ANKRD36C: variants seen among roughly 807,000 people sequenced by gnomAD.
The protein encoded by ANKRD36C is ankyrin repeat domain 36C.
Under a neutral mutation model 276.4 loss-of-function variants are expected in ANKRD36C, and 61 were observed. The observed-to-expected ratio is 0.22, with a 90% CI of 0.18 to 0.27. The LOEUF is 0.27. Among genes scored for constraint, ANKRD36C ranks in the 10% least tolerant of loss-of-function variants. ANKRD36C has a pLI of 1.00. For missense variants in ANKRD36C, 1,447 were observed against 2,032.3 expected, an observed-to-expected ratio of 0.71 and a Z score of 5.54; for synonymous variants, 483 against 680.1, an observed-to-expected ratio of 0.71 and a Z score of 4.51.
At chr2:95,984,795 C>T (rs867298781) in intron 3 of ANKRD36C, among the ~76,000 whole-genome samples, 5 of 152,080 alleles carry the variant, frequency 3.3e-5, no homozygotes, top group African/African-American at 9.7e-5. Flanking sequence ...ATTGTAACCT[C>T]ATTTTTTTTA....
intron 38 of ANKRD36C, 123 bp downstream of exon 40, chr2:95,915,857 T>G: frequency 7.5e-7 from 1 of 1,332,316 alleles, no homozygotes; most frequent in Non-Finnish European, 1.0e-6. Context: ...TTATTAGAAA[T>G]GAAGAATCTC....
chr2:95,959,712 C>T (rs559731930), intron 10 of ANKRD36C, among the ~76,000 whole-genome samples: 37 of 152,322 alleles, frequency 2.4e-4, no homozygotes, highest in African/African-American at 8.7e-4. Flanking sequence ...CAAAAGTTAG[C>T]TCTCTGAACA....
At chr2:95,977,909 TTAAA>T (rs1298956624) in intron 6 of ANKRD36C, among the ~76,000 whole-genome samples, 3 of 152,022 alleles carry the variant, frequency 2.0e-5, no homozygotes, top group Admixed American at 2.0e-4. Context: ...GGAACCATAA[TTAAA>T]TAATAATTTT....
intron 60 of ANKRD36C, among the ~76,000 whole-genome samples, chr2:95,863,155 ATG>A (rs991761372): frequency 4.9e-4 from 75 of 152,282 alleles, no homozygotes; most frequent in African/African-American, 1.6e-3. Context: ...GAAATAAACA[ATG>A]TGACATAATT....
chr2:95,857,159 A>T (rs1573719176), intron 62 of ANKRD36C, 150 bp downstream of exon 82: 8 of 941,858 alleles, frequency 8.5e-6, no homozygotes, highest in East Asian at 5.9e-5. Context: ...TATTATAAAT[A>T]ATTATAGTTA....
At chr2:95,917,023 G>T (rs1241243050) in intron 36 of ANKRD36C, among the ~76,000 whole-genome samples, 1 of 151,572 alleles carries the variant, frequency 6.6e-6, no homozygotes, top group Non-Finnish European at 1.5e-5. Flanking sequence ...AAATAGCCTT[G>T]TTGGGAGTAT....
intron 42 of ANKRD36C, among the ~76,000 whole-genome samples, chr2:95,901,944 G>A (rs574335990): frequency 2.0e-5 from 3 of 149,224 alleles, no homozygotes; most frequent in African/African-American, 7.4e-5. Context: ...AAGTCAAATG[G>A]CTACAAGCAT....
At chr2:95,870,747 G>T (rs893773973) in intron 59 of ANKRD36C, among the ~76,000 whole-genome samples, 1 of 152,134 alleles carries the variant, frequency 6.6e-6, no homozygotes, top group Non-Finnish European at 1.5e-5. Flanking sequence ...AACCAAAGGC[G>T]AAGAAGTTAA....
intron 40 of ANKRD36C, among the ~76,000 whole-genome samples, chr2:95,912,911 T>G (rs546731982): frequency 1.3e-5 from 2 of 151,524 alleles, no homozygotes; most frequent in Middle Eastern, 6.8e-3. Context: ...CGATGACACT[T>G]CAGTTGAATG....
intron 20 of ANKRD36C, among the ~76,000 whole-genome samples, chr2:95,939,881 T>G (rs780320971): frequency 5.3e-5 from 8 of 152,274 alleles, no homozygotes; most frequent in Non-Finnish European, 7.3e-5. Context: ...TTAGTTCTCT[T>G]GCCATCTTTT....
At chr2:95,961,906 A>G (rs1421019483) in intron 8 of ANKRD36C, among the ~76,000 whole-genome samples, 1 of 152,016 alleles carries the variant, frequency 6.6e-6, no homozygotes, top group Non-Finnish European at 1.5e-5. Context: ...CTCTTCCTTG[A>G]GTAAAATAAT....
At chr2:95,901,874 G>A (rs2104377849) in intron 42 of ANKRD36C, among the ~76,000 whole-genome samples, 1 of 146,500 alleles carries the variant, frequency 6.8e-6, no homozygotes, top group African/African-American at 2.5e-5. Flanking sequence ...TGGCACCAAA[G>A]GATAATATAT....
At chr2:95,962,469 T>C (rs190186414) in intron 7 of ANKRD36C, 45 bp from the exon 8 acceptor site, 2 of 1,592,528 alleles carry the variant, frequency 1.3e-6, no homozygotes, top group Non-Finnish European at 1.7e-6. Context: ...AAAGTATTTT[T>C]CACAGACTAT....
chr2:95,934,698 T>C (rs1258535903), intron 24 of ANKRD36C, among the ~76,000 whole-genome samples: 1 of 152,310 alleles, frequency 6.6e-6, no homozygotes, highest in Non-Finnish European at 1.5e-5. Context: ...GGCACATGTA[T>C]GCCTATGTAA....
intron 6 of ANKRD36C, among the ~76,000 whole-genome samples, chr2:95,966,842 T>C (rs1379501918): frequency 1.3e-5 from 2 of 152,212 alleles, no homozygotes; most frequent in South Asian, 2.1e-4. Context: ...TTTCCTTGAG[T>C]GGTGGTTTGT....
At chr2:95,990,641 G>A (rs1679119890) in intron 1 of ANKRD36C, among the ~76,000 whole-genome samples, 1 of 152,128 alleles carries the variant, frequency 6.6e-6, no homozygotes, top group Non-Finnish European at 1.5e-5. Context: ...TATAAACATA[G>A]AAAGAGCTCA....
chr2:95,858,941 A>G (rs1244586785), intron 61 of ANKRD36C, among the ~76,000 whole-genome samples: 1 of 152,010 alleles, frequency 6.6e-6, no homozygotes, highest in African/African-American at 2.4e-5. Flanking sequence ...AATTAATTTT[A>G]TCTACATAAC....
Position 95,991,682 on chromosome 2 carries a change from C to T in ANKRD36C, c.27G>A (p.Trp9Ter), listed in dbSNP as rs1261696188. ...AGCACAAGCGGTCCCTGAGGGTGGG[C>T]CACCTCTTCGGCTCCTTGTCATCCA... The change falls in exon 1 of 67, where the codon TGG becomes TGA. Residue 9 changes from tryptophan (W) to a stop codon, truncating the protein, a stop_gained. Transcript: ENST00000456556. LOFTEE classifies it high-confidence loss of function. The T allele has an allele frequency of 6.2e-7, 1 of 1,613,724 alleles. No homozygotes were observed.
At chr2:95,955,882 C>A (rs1217395854) in intron 13 of ANKRD36C, among the ~76,000 whole-genome samples, 1 of 152,104 alleles carries the variant, frequency 6.6e-6, no homozygotes, top group Non-Finnish European at 1.5e-5. Flanking sequence ...TTCTAAGCAC[C>A]TCTGATTGTG....
Sources: allele counts gnomAD v4.1 joint callset (sites outside exome capture counted in the v4.1 genomes callset), GRCh38; gene constraint gnomAD v4.1.1; transcripts MANE v1.5; gene names NCBI Gene and HGNC (gene_info 2026-07-23, HGNC 2026-07-21).